Variants in PTPRF observed in about 807,000 individuals in gnomAD.
The protein encoded by PTPRF is protein tyrosine phosphatase receptor type F, also known as receptor-type tyrosine-protein phosphatase F.
A neutral mutation model predicts 201.8 loss-of-function variants in PTPRF; 59 were observed. The ratio of observed to expected loss-of-function variants is 0.29; its 90% CI spans 0.24 to 0.36. PTPRF has a LOEUF of 0.36. Among genes scored for constraint, PTPRF ranks in the 10% least tolerant of loss-of-function variants. The pLI is 1.00. For synonymous variants in PTPRF, 1,088 were observed against 1,089.7 expected, an observed-to-expected ratio of 1.00 and a Z score of 0.03; for missense variants, 2,132 against 2,690.5, an observed-to-expected ratio of 0.79 and a Z score of 4.59.
In PTPRF at chr1:43,603,047, C is replaced by CA. The variant is rs1654156989; in HGVS notation, c.2341-369_2341-368insA. ...TTATGCAGGAGCTGTAGGCTGTGTGCGTGTGGCTGCCAAGAGCCACGCAAG... is the reference window on the plus strand; with the variant it reads ...TTATGCAGGAGCTGTAGGCTGTGTGCAGTGTGGCTGCCAAGAGCCACGCAAG... On this transcript the variant is annotated intron_variant, in intron 14 of 33. Transcript: ENST00000359947. The surrounding 1 kb of genome is among the most constrained non-coding windows in gnomAD (Gnocchi z 5.8). Among the ~76,000 whole-genome samples, 1 of 152,154 alleles carries CA rather than the reference C, an allele frequency of 6.6e-6. No homozygotes were observed. The highest frequency in any genetic ancestry group is 2.4e-5 in the African/African-American group (1 of 41,422).
chr1:43,605,377 C>T lies in PTPRF; in HGVS notation c.3323C>T (p.Ser1108Phe), dbSNP rs1193744322. ...DLLPHKPLPA[S>F]AYIEDGRFDL... Reference sequence around the variant, plus strand: ...CTGCCTCACAAGCCGCTGCCTGCCTCTGCCTACATAGAGGACGGCCGCTTC... The same window carrying T: ...CTGCCTCACAAGCCGCTGCCTGCCTTTGCCTACATAGAGGACGGCCGCTTC... Residue 1108 changes from serine (S) to phenylalanine (F), a missense_variant, in exon 18 of 34, where the codon TCT becomes TTT. Around this residue, in one of 6 missense-constraint regions of PTPRF, gnomAD observed 818 missense variants for 915.3 expected, o/e 0.89. Coordinates refer to ENST00000359947, the MANE Select transcript of PTPRF (RefSeq NM_002840.5). 5 of 1,614,048 alleles carry T rather than the reference C, an allele frequency of 3.1e-6. No individual in the cohort carries two copies. Among genetic ancestry groups the T allele is most frequent in the Non-Finnish European group, 3.4e-6 (4 of 1,179,994 alleles).
chr1:43,607,348 T>G (rs1175388890), intron 21 of PTPRF, among the ~76,000 whole-genome samples: 1 of 152,220 alleles, frequency 6.6e-6, no homozygotes, highest in East Asian at 1.9e-4. Flanking sequence ...CCACCATTCC[T>G]GGATGATTCC....
intron 25 of PTPRF, among the ~76,000 whole-genome samples, chr1:43,618,160 T>C (rs1228991568): frequency 6.6e-6 from 1 of 152,210 alleles, no homozygotes; most frequent in African/African-American, 2.4e-5. Context: ...TTTCGGAGAA[T>C]GTTAATGTGT....
At chr1:43,604,751 G>T in intron 16 of PTPRF, 152 bp from the exon 17 acceptor site, 1 of 678,914 alleles carries the variant, frequency 1.5e-6, no homozygotes, top group Non-Finnish European at 2.6e-6. Flanking sequence ...TTTGAAGCTG[G>T]CTGGGAGTGG....
intron 1 of PTPRF, among the ~76,000 whole-genome samples, chr1:43,536,601 G>A (rs563482438): frequency 6.6e-6 from 1 of 152,342 alleles, no homozygotes; most frequent in South Asian, 2.1e-4. Context: ...GCACAATGGT[G>A]CAGCCAAAAA....
intron 8 of PTPRF, among the ~76,000 whole-genome samples, chr1:43,589,839 C>A (rs1430139656): frequency 1.3e-5 from 2 of 151,704 alleles, no homozygotes; most frequent in Admixed American, 6.6e-5. Context: ...CACTGCACTC[C>A]AGCCTGAGTG....
chr1:43,578,715 C>T (rs1647104834), intron 6 of PTPRF, 95 bp from the exon 7 acceptor site: 4 of 912,328 alleles, frequency 4.4e-6, no homozygotes, highest in Middle Eastern at 3.3e-4. Flanking sequence ...GACATCTGGT[C>T]AACATCAGCC....
chr1:43,564,447 A>G (rs957942715), intron 5 of PTPRF, among the ~76,000 whole-genome samples: 1 of 152,040 alleles, frequency 6.6e-6, no homozygotes, highest in African/African-American at 2.4e-5. Context: ...CTGGCTGTGC[A>G]TGTCTCCACA....
At position 43,621,949 on chromosome 1, in the gene PTPRF, G is replaced by C. The variant is rs768011190; in HGVS notation, c.5670G>C (p.Leu1890=). 2 of 1,614,172 alleles carry C rather than the reference G, an allele frequency of 1.2e-6. No homozygotes were observed. The highest frequency in any genetic ancestry group is 2.2e-5 in the South Asian group (2 of 91,080). The change falls in exon 34 of 34, where the codon CTG becomes CTC. Residue 1890 remains leucine, a synonymous_variant. Coordinates refer to ENST00000359947, the MANE Select transcript of PTPRF (RefSeq NM_002840.5). ...AMVQTEDQYQ[L]CYRAALEYLG... ...TATCCTGGCAGGACCAGTATCAGCT[G>C]TGCTACCGTGCGGCCCTGGAGTACC...
At chr1:43,600,808 C>G (rs1653567177) in intron 13 of PTPRF, among the ~76,000 whole-genome samples, 1 of 152,038 alleles carries the variant, frequency 6.6e-6, no homozygotes, top group African/African-American at 2.4e-5. Flanking sequence ...CTCCTCCTTC[C>G]TTCCCTCCTC....
chr1:43,617,325 C>T (rs1658109017), intron 23 of PTPRF, 120 bp from the exon 24 acceptor site: 4 of 1,412,758 alleles, frequency 2.8e-6, no homozygotes, highest in Non-Finnish European at 3.9e-6. Context: ...GAGGGCCTGG[C>T]TGTGGCCTGT....
chr1:43,554,853 CTT>C lies in PTPRF; in HGVS notation c.379+914_379+915del, dbSNP rs1280917056. ...TTGCTTTTTTTTCTTTTCTTTCTTTCTTTCTTTTTTTTTTTTTGAGATGCAGT... is the reference window on the plus strand; with the variant it reads ...TTGCTTTTTTTTCTTTTCTTTCTTTCTCTTTTTTTTTTTTTGAGATGCAGT... On this transcript the variant is annotated intron_variant, in intron 5 of 33. Transcript: ENST00000359947. The surrounding 1 kb of genome is among the most constrained non-coding windows in gnomAD (Gnocchi z 4.1). 1.4e-5 allele frequency among the ~76,000 whole-genome samples: 2 copies of C among 143,200 alleles called. No homozygotes were observed. Among genetic ancestry groups the C allele is most frequent in the African/African-American group, 5.6e-5 (2 of 35,688 alleles). The allele number at this position is 143,200 out of a possible 152,430, so 93.9% of individuals were successfully genotyped here. A position where few individuals can be genotyped will look rare whatever the true frequency, so the allele number is the denominator to read the frequency against.
At chr1:43,607,544 C>A (rs939575826) in intron 21 of PTPRF, among the ~76,000 whole-genome samples, 1 of 152,250 alleles carries the variant, frequency 6.6e-6, no homozygotes, top group Non-Finnish European at 1.5e-5. Flanking sequence ...AGGAGTCTCC[C>A]TTCCTATCCG....
intron 9 of PTPRF, 62 bp downstream of exon 9, chr1:43,591,615 G>T: frequency 4.0e-6 from 6 of 1,484,246 alleles, no homozygotes; most frequent in Non-Finnish European, 5.4e-6. Flanking sequence ...AGGTTGTGGC[G>T]GTGCCTTTCC....
intron 5 of PTPRF, among the ~76,000 whole-genome samples, chr1:43,564,371 G>GA (rs1646012359): frequency 6.6e-6 from 1 of 152,148 alleles, no homozygotes; most frequent in South Asian, 2.1e-4. Context: ...TGCCACCTAC[G>GA]AGGTTCCTTC....
chr1:43,620,195 C>A lies in PTPRF; in HGVS notation c.5212C>A (p.Leu1738Met). 6.2e-7 allele frequency: 1 copy of A among 1,614,078 alleles called. No individual in the cohort carries two copies. The highest frequency in any genetic ancestry group is 8.5e-7 in the Non-Finnish European group (1 of 1,179,956). Reference protein sequence around the residue: ...WEHNSTIIVMLTKLREMGREK... With the variant: ...WEHNSTIIVMMTKLREMGREK... ...GCACAATTCCACCATCATCGTCATG[C>A]TGACCAAGCTTCGGGAGATGGGCAG... Residue 1738 changes from leucine to methionine, a missense_variant, in exon 30 of 34, where the codon CTG becomes ATG. Around this residue, in one of 6 missense-constraint regions of PTPRF, gnomAD observed 519 missense variants for 659.5 expected, o/e 0.79. Transcript: ENST00000359947.
intron 23 of PTPRF, among the ~76,000 whole-genome samples, 182 bp from the exon 24 acceptor site, chr1:43,617,263 T>G (rs1191063660): frequency 2.0e-5 from 3 of 152,026 alleles, no homozygotes; most frequent in Non-Finnish European, 4.4e-5. Flanking sequence ...CCATCACTTT[T>G]CTGATAGGTG....
chr1:43,604,870 C>T (rs201243069), intron 16 of PTPRF, 33 bp from the exon 17 acceptor site: 49 of 1,593,194 alleles, frequency 3.1e-5, no homozygotes, highest in Non-Finnish European at 3.8e-5. Flanking sequence ...CCTCATATAC[C>T]CAGCAGAGCT....
chr1:43,567,400 T>G (rs1379498847), intron 5 of PTPRF, among the ~76,000 whole-genome samples: 1 of 152,206 alleles, frequency 6.6e-6, no homozygotes, highest in Non-Finnish European at 1.5e-5. Context: ...AAGGGCACTG[T>G]GGGATCATAT....
Sources: allele counts gnomAD v4.1 joint callset (sites outside exome capture counted in the v4.1 genomes callset), GRCh38; gene constraint gnomAD v4.1.1; regional missense constraint gnomAD v4.1.1; non-coding constraint Gnocchi (gnomAD v3.1); transcripts MANE v1.5; gene names NCBI Gene and HGNC (gene_info 2026-07-23, HGNC 2026-07-21).